Variants in ZFYVE28 observed in about 807,000 individuals in gnomAD.
The protein encoded by ZFYVE28 is lateral signaling target protein 2 homolog.
In ZFYVE28, 40 loss-of-function variants were observed where a neutral mutation model predicts 82.1. The observed-to-expected ratio is 0.49, with a 90% CI of 0.38 to 0.63. The LOEUF (loss-of-function observed/expected upper bound fraction) is 0.63, where lower values mean the gene tolerates loss of function less well. Ranked by LOEUF, ZFYVE28 falls within the 30% of genes least tolerant of loss-of-function variation. The pLI is 0.00. For synonymous variants in ZFYVE28, 612 were observed against 546.1 expected (o/e 1.12, Z -1.68); for missense variants, 1,321 against 1,242.1 (o/e 1.06, Z -0.96).
chr4:2,407,587 T>C (rs1326843112), intron 1 of ZFYVE28, among the ~76,000 whole-genome samples: 2 of 152,140 alleles, frequency 1.3e-5, no homozygotes, highest in Admixed American at 1.3e-4. Flanking sequence ...GAGTTACATC[T>C]GGAACCTTCT....
At chr4:2,379,422 A>T (rs1310315771) in intron 1 of ZFYVE28, among the ~76,000 whole-genome samples, 1 of 152,228 alleles carries the variant, frequency 6.6e-6, no homozygotes, top group African/African-American at 2.4e-5. Flanking sequence ...GAATCAGGAA[A>T]AACCAAGCTG....
At chr4:2,389,605 A>G (rs1305468978) in intron 1 of ZFYVE28, among the ~76,000 whole-genome samples, 1 of 152,242 alleles carries the variant, frequency 6.6e-6, no homozygotes, top group African/African-American at 2.4e-5. Flanking sequence ...AAGGCTTTGC[A>G]TCCCCCAGGA....
intron 1 of ZFYVE28, among the ~76,000 whole-genome samples, chr4:2,405,660 G>A (rs369323458): frequency 2.3e-4 from 35 of 152,340 alleles, no homozygotes; most frequent in South Asian, 4.1e-4. Context: ...GAGACCTCAC[G>A]TCCCTTGGAG....
At chr4:2,380,039 T>C (rs923222200) in intron 1 of ZFYVE28, among the ~76,000 whole-genome samples, 21 of 152,214 alleles carry the variant, frequency 1.4e-4, no homozygotes, top group African/African-American at 5.1e-4. Context: ...CACTGAGTGT[T>C]AGCATTTTCT....
At chr4:2,378,735 C>T (rs769913203) in intron 1 of ZFYVE28, among the ~76,000 whole-genome samples, 1 of 152,212 alleles carries the variant, frequency 6.6e-6, no homozygotes, top group Non-Finnish European at 1.5e-5. Context: ...CCTGCTCCAT[C>T]CACCCACCCA....
At position 2,270,758 on chromosome 4, in the gene ZFYVE28, G is replaced by C. The variant is rs1577835324; in HGVS notation, c.2631C>G (p.Val877=). ...RVCTHCYMFH[V]TPFYSDKAGL ...CGGCCTTGTCGCTGTAGAAGGGCGT[G>C]ACATGGAACATGTAGCAGTGGGTGC... The change falls in exon 13 of 13, where the codon GTC becomes GTG. Residue 877 remains valine (V), a synonymous_variant. Coordinates refer to ENST00000290974, the MANE Select transcript of ZFYVE28 (RefSeq NM_020972.3). 2 of 1,613,126 alleles carry C rather than the reference G, an allele frequency of 1.2e-6. No individual in the cohort carries two copies. The highest frequency in any genetic ancestry group is 8.5e-7 in the Non-Finnish European group (1 of 1,179,932).
chr4:2,407,075 A>C (rs1159444573), intron 1 of ZFYVE28, among the ~76,000 whole-genome samples: 2 of 151,982 alleles, frequency 1.3e-5, no homozygotes, highest in Non-Finnish European at 2.9e-5. Context: ...ACGCTCCCCA[A>C]GGTGACTGCT....
At chr4:2,286,544 C>T (rs1256020647) in intron 8 of ZFYVE28, 1 of 152,356 alleles carries the variant, frequency 6.6e-6, no homozygotes, top group Non-Finnish European at 1.5e-5. Flanking sequence ...AGACCCTGAG[C>T]ACAGAACCCA....
chr4:2,282,889 G>GT (rs11400263), intron 8 of ZFYVE28, among the ~76,000 whole-genome samples: 9,811 of 152,158 alleles, frequency 0.064, 751 homozygotes, highest in East Asian at 0.18. Context: ...GCTAGCCTGC[G>GT]TAACATAGCA....
rs148537716 is a variant in ZFYVE28, at chr4:2,339,238, GT to G, written c.521+214del. Among the ~76,000 whole-genome samples, 1,359 of 152,284 alleles carry G rather than the reference GT, an allele frequency of 8.9e-3. 23 individuals are homozygous for G. The highest frequency in any genetic ancestry group is 0.031 in the African/African-American group (1,276 of 41,554). ...CCACGGCGGCCAGATCCACACCTGT[GT>G]CCTCTGTGCTCACCCCACTCCCTGG... On this transcript the variant is annotated intron_variant, in intron 4 of 12. Coordinates refer to ENST00000290974, the MANE Select transcript of ZFYVE28 (RefSeq NM_020972.3). This position sits in a 1 kb window ranked among gnomAD's most constrained non-coding sequence, Gnocchi z 5.0.
In ZFYVE28 at chr4:2,273,351, G is replaced by A. The variant is rs569184136; in HGVS notation, c.2207-62C>T. On this transcript the variant is annotated intron_variant, in intron 9 of 12. Coordinates refer to ENST00000290974, the MANE Select transcript of ZFYVE28 (RefSeq NM_020972.3). ...ACGGATGGAAGGAACTGCGGAGGTC[G>A]GTGCTGCGGGCTGGGCAGACCCAGC... The A allele has an allele frequency of 6.8e-5, 99 of 1,465,874 alleles. No individual in the cohort carries two copies. In the African/African-American group the frequency reaches 9.4e-4, roughly 14 times the overall value. 90.8% of individuals were successfully genotyped at this position (1,465,874 alleles called of 1,614,324 possible).
rs149652970 is a variant in ZFYVE28, at chr4:2,275,234, G to A, written c.2052-1018C>T. Among the ~76,000 whole-genome samples, 586 of 152,302 alleles carry A rather than the reference G, an allele frequency of 3.8e-3. 5 individuals carry two copies. Among genetic ancestry groups the A allele is most frequent in the African/African-American group, 0.013 (558 of 41,568 alleles). ...GCAGCTGCGTCCTCAGCTTTCATCA[G>A]ATTTGCTACTCAGGGGTTCCACGGT... On this transcript the variant is annotated intron_variant, in intron 8 of 12. Coordinates refer to ENST00000290974, the MANE Select transcript of ZFYVE28 (RefSeq NM_020972.3).
intron 1 of ZFYVE28, among the ~76,000 whole-genome samples, chr4:2,356,845 A>G (rs75796340): frequency 2.2e-4 from 33 of 152,284 alleles, no homozygotes; most frequent in East Asian, 7.7e-4. Flanking sequence ...CAACTTACAG[A>G]TGAGCAACTG....
rs965398046 is a variant in ZFYVE28, at chr4:2,291,451, C to T, written c.2051+12838G>A. On this transcript the variant is annotated intron_variant, in intron 8 of 12. Coordinates refer to ENST00000290974, the MANE Select transcript of ZFYVE28 (RefSeq NM_020972.3). Reference sequence around the variant, plus strand: ...CCTTCTAGGCTCCCCGAGGAGGGGCCAATGCTTACCAAGCAGGCTCCACTG... The same window carrying T: ...CCTTCTAGGCTCCCCGAGGAGGGGCTAATGCTTACCAAGCAGGCTCCACTG... 5.3e-5 allele frequency among the ~76,000 whole-genome samples: 8 copies of T among 152,284 alleles called. No homozygotes were observed. The East Asian group carries it at 7.7e-4, about 15-fold the overall frequency.
At chr4:2,333,082 C>T (rs1362520828) in intron 6 of ZFYVE28, among the ~76,000 whole-genome samples, 8 of 151,932 alleles carry the variant, frequency 5.3e-5, no homozygotes, top group Admixed American at 2.0e-4. Flanking sequence ...GTCCTGAGCC[C>T]GAGGGGACCC....
chr4:2,303,890 A>G (rs1025235969), intron 8 of ZFYVE28, among the ~76,000 whole-genome samples: 5 of 152,246 alleles, frequency 3.3e-5, no homozygotes, highest in African/African-American at 9.6e-5. Flanking sequence ...GATGCGGCTC[A>G]GGGCAAGGGG....
At position 2,417,242 on chromosome 4, in the gene ZFYVE28, G is replaced by A. The variant is rs1014981771; in HGVS notation, c.39+1043C>T. Among the ~76,000 whole-genome samples, 1 of 152,172 alleles carries A rather than the reference G, an allele frequency of 6.6e-6. No individual in the cohort carries two copies. Among genetic ancestry groups the A allele is most frequent in the African/African-American group, 2.4e-5 (1 of 41,456 alleles). ...CCTCCCCCAAGATCTCAGGGCCCGG[G>A]CCTCCCCGCTGCGCCGGCCCCAGGG... On this transcript the variant is annotated intron_variant, in intron 1 of 12. Coordinates refer to ENST00000290974, the MANE Select transcript of ZFYVE28 (RefSeq NM_020972.3). This position sits in a 1 kb window ranked among gnomAD's most constrained non-coding sequence, Gnocchi z 4.8.
chr4:2,310,848 G>GA, intron 7 of ZFYVE28, among the ~76,000 whole-genome samples: 1 of 152,058 alleles, frequency 6.6e-6, no homozygotes, highest in East Asian at 1.9e-4. Flanking sequence ...TCTATTCCCT[G>GA]AAAGAATTTA....
intron 1 of ZFYVE28, among the ~76,000 whole-genome samples, chr4:2,365,155 C>T (rs1421392534): frequency 5.3e-5 from 1 of 18,736 alleles, no homozygotes; most frequent in Non-Finnish European, 1.1e-4. Context: ...GGCGGGGGGA[C>T]GGGGAGGGGG....
Sources: gnomAD v4.1 joint callset for allele counts (sites outside exome capture counted in the v4.1 genomes callset) on GRCh38, gnomAD v4.1.1 for gene constraint, Gnocchi (gnomAD v3.1) non-coding constraint, MANE v1.5 for transcripts, NCBI Gene and HGNC (gene_info 2026-07-23, HGNC 2026-07-21) for gene names.